Variants in SLC39A12 observed in about 807,000 individuals in gnomAD.
SLC39A12 encodes the protein solute carrier family 39 member 12.
A neutral mutation model predicts 71.1 loss-of-function variants in SLC39A12; 63 were observed. The ratio of observed to expected loss-of-function variants is 0.89; its 90% CI spans 0.72 to 1.09. SLC39A12 has a LOEUF of 1.09. SLC39A12 is among the 50% of genes least tolerant of loss of function. SLC39A12 has a pLI of 0.00. For synonymous variants in SLC39A12, 351 were observed against 301.3 expected, an observed-to-expected ratio of 1.16 and a Z score of -1.71; for missense variants, 892 against 812.6, an observed-to-expected ratio of 1.10 and a Z score of -1.19.
intron 4 of SLC39A12, among the ~76,000 whole-genome samples, chr10:17,967,915 ATATT>A (rs1554849118): frequency 1.4e-5 from 2 of 142,932 alleles, no homozygotes; most frequent in African/African-American, 2.7e-5. Context: ...ATATATATAT[ATATT>A]TATTTATTTA....
chr10:17,961,308 A>C (rs938253877), intron 2 of SLC39A12, among the ~76,000 whole-genome samples: 2 of 152,218 alleles, frequency 1.3e-5, no homozygotes, highest in Non-Finnish European at 2.9e-5. Context: ...TTAAAAGCCA[A>C]AGAATAATCT....
intron 7 of SLC39A12, 37 bp from the exon 8 acceptor site, chr10:17,991,114 T>C: frequency 6.6e-7 from 1 of 1,519,222 alleles, no homozygotes; most frequent in Non-Finnish European, 8.7e-7. Flanking sequence ...TATCTCCATC[T>C]TTCTCTCTGC....
At chr10:17,983,230 C>T (rs138083135) in intron 6 of SLC39A12, among the ~76,000 whole-genome samples, 29 of 148,580 alleles carry the variant, frequency 2.0e-4, no homozygotes, top group Non-Finnish European at 3.0e-4. Context: ...GTGTCTCACA[C>T]CTGTAGTCCT....
chr10:18,012,934 G>A (rs535320822), intron 12 of SLC39A12, among the ~76,000 whole-genome samples: 46 of 151,432 alleles, frequency 3.0e-4, no homozygotes, highest in African/African-American at 8.7e-4. Context: ...TTAACGAAGC[G>A]TGAGGACATG....
At chr10:17,986,150 T>C (rs936303993) in intron 6 of SLC39A12, among the ~76,000 whole-genome samples, 2 of 152,292 alleles carry the variant, frequency 1.3e-5, no homozygotes, top group Non-Finnish European at 2.9e-5. Context: ...TTGAGAAGCT[T>C]AAGATATGAT....
intron 12 of SLC39A12, among the ~76,000 whole-genome samples, chr10:18,021,874 T>C (rs909049165): frequency 3.9e-5 from 6 of 152,210 alleles, no homozygotes; most frequent in Non-Finnish European, 7.3e-5. Flanking sequence ...CCTTCACTTA[T>C]GAAGCTTAGT....
chr10:18,037,592 GAAGT>G (rs1355165468), intron 12 of SLC39A12, among the ~76,000 whole-genome samples: 1 of 150,608 alleles, frequency 6.6e-6, no homozygotes, highest in Non-Finnish European at 1.5e-5. Context: ...AGGATTATGA[GAAGT>G]AAAAGGGGGG....
At chr10:17,986,659 A>C (rs1182198146) in intron 6 of SLC39A12, among the ~76,000 whole-genome samples, 1 of 152,254 alleles carries the variant, frequency 6.6e-6, no homozygotes. Context: ...CATTTAGACC[A>C]TAGCAAATCT....
At position 17,987,545 on chromosome 10, in the gene SLC39A12, T is replaced by G; in HGVS notation, c.1163T>G (p.Val388Gly). Reference sequence around the variant, plus strand: ...GGCTCCATGCTGGGGACAGCGCTGGTCCTTTTCCATAGCTGTGAGGAGAAC... The same window carrying G: ...GGCTCCATGCTGGGGACAGCGCTGGGCCTTTTCCATAGCTGTGAGGAGAAC... Reference protein sequence around the residue: ...TLGSMLGTALVLFHSCEENYR... With the variant: ...TLGSMLGTALGLFHSCEENYR... Residue 388 changes from valine to glycine, a missense_variant, in exon 7 of 13, where the codon GTC (valine) becomes GGC (glycine). Transcript: ENST00000377369. 6.2e-7 allele frequency: 1 copy of G among 1,614,144 alleles called. No individual in the cohort carries two copies. The highest frequency in any genetic ancestry group is 8.5e-7 in the Non-Finnish European group (1 of 1,180,032).
At chr10:17,960,842 A>G (rs1335530948) in intron 2 of SLC39A12, among the ~76,000 whole-genome samples, 2 of 150,374 alleles carry the variant, frequency 1.3e-5, no homozygotes, top group Non-Finnish European at 2.9e-5. Context: ...AAAAATATAA[A>G]ATATCTTAAT....
At chr10:18,035,985 TGAG>T (rs758445824) in intron 12 of SLC39A12, among the ~76,000 whole-genome samples, 26 of 152,122 alleles carry the variant, frequency 1.7e-4, no homozygotes, top group South Asian at 4.1e-4. Flanking sequence ...GGGACCCACT[TGAG>T]GAGGCAGTCT....
At chr10:17,957,891 T>C (rs1364944455) in intron 2 of SLC39A12, among the ~76,000 whole-genome samples, 1 of 152,182 alleles carries the variant, frequency 6.6e-6, no homozygotes, top group Non-Finnish European at 1.5e-5. Flanking sequence ...CCGTGGTCAT[T>C]TGATTCACAA....
chr10:17,987,714 G>C (rs1835438316), intron 7 of SLC39A12, 63 bp downstream of exon 7: 1 of 1,564,214 alleles, frequency 6.4e-7, no homozygotes, highest in Non-Finnish European at 8.7e-7. Context: ...TTAACCACTG[G>C]AGGTATTTAT....
At chr10:18,034,472 C>T (rs1304031240) in intron 12 of SLC39A12, among the ~76,000 whole-genome samples, 1 of 152,022 alleles carries the variant, frequency 6.6e-6, no homozygotes, top group African/African-American at 2.4e-5. Context: ...ATTGCAACCC[C>T]TGCCTTTTTT....
chr10:17,952,900 T>C (rs74118046), intron 1 of SLC39A12, among the ~76,000 whole-genome samples: 4,770 of 152,306 alleles, frequency 0.031, 211 homozygotes, highest in African/African-American at 0.087. Context: ...ATAAGGTGTT[T>C]CCCAACCTGG....
chr10:18,024,656 G>A (rs1215155856), intron 12 of SLC39A12, among the ~76,000 whole-genome samples: 1 of 152,122 alleles, frequency 6.6e-6, no homozygotes, highest in Non-Finnish European at 1.5e-5. Flanking sequence ...TACTTCTAGT[G>A]AGCCACCTTG....
intron 4 of SLC39A12, among the ~76,000 whole-genome samples, chr10:17,976,884 T>G (rs1223802667): frequency 6.6e-6 from 1 of 152,220 alleles, no homozygotes; most frequent in Non-Finnish European, 1.5e-5. Flanking sequence ...TCCTCTAGTA[T>G]TTTTTCTAAT....
chr10:18,036,794 A>ATATATATTTTTTT (rs1554855475), intron 12 of SLC39A12, among the ~76,000 whole-genome samples: 2 of 92,898 alleles, frequency 2.2e-5, no homozygotes, highest in South Asian at 4.3e-4. Flanking sequence ...ATATATATAT[A>ATATATATTTTTTT]TTTTTTTTTT....
chr10:18,041,249 A>G (rs1478501761), intron 12 of SLC39A12, among the ~76,000 whole-genome samples: 5 of 152,076 alleles, frequency 3.3e-5, no homozygotes, highest in Admixed American at 1.3e-4. Context: ...TTTCACAAAC[A>G]TGAAATAGTT....
Sources: allele counts gnomAD v4.1 joint callset (sites outside exome capture counted in the v4.1 genomes callset), GRCh38; gene constraint gnomAD v4.1.1; transcripts MANE v1.5; gene names NCBI Gene and HGNC (gene_info 2026-07-23, HGNC 2026-07-21).